Variants in ATRN observed in about 807,000 individuals in gnomAD.
ATRN encodes attractin-2.
ATRN carries 54 observed loss-of-function variants against 178.7 expected under a neutral mutation model. The observed-to-expected ratio is 0.30, with a 90% CI of 0.24 to 0.38. The LOEUF (loss-of-function observed/expected upper bound fraction) is 0.38, where lower values mean the gene tolerates loss of function less well. Among genes scored for constraint, ATRN ranks in the 10% least tolerant of loss-of-function variants. ATRN has a pLI of 1.00. For synonymous variants in ATRN, 636 were observed against 663.0 expected, an observed-to-expected ratio of 0.96 and a Z score of 0.63; for missense variants, 1,443 against 1,815.1, an observed-to-expected ratio of 0.79 and a Z score of 3.73.
At chr20:3,624,622 A>G (rs974129259) in intron 25 of ATRN, 50 bp downstream of exon 25, 2 of 1,382,724 alleles carry the variant, frequency 1.4e-6, no homozygotes, top group African/African-American at 1.4e-5. Context: ...TAGGCACTAG[A>G]TCCATTAATA....
At chr20:3,554,464 T>C (rs928482468) in intron 6 of ATRN, among the ~76,000 whole-genome samples, 2 of 151,842 alleles carry the variant, frequency 1.3e-5, no homozygotes, top group Admixed American at 6.6e-5. Flanking sequence ...GCCTCCCGAG[T>C]AGCTGGGACT....
intron 1 of ATRN, among the ~76,000 whole-genome samples, chr20:3,482,286 A>G (rs2084633095): frequency 1.3e-5 from 2 of 152,016 alleles, no homozygotes; most frequent in Non-Finnish European, 2.9e-5. Flanking sequence ...AAAAAAAGAC[A>G]TTACATTTTG....
intron 2 of ATRN, among the ~76,000 whole-genome samples, chr20:3,537,931 TA>T (rs1366146907): frequency 5.3e-5 from 8 of 150,932 alleles, no homozygotes; most frequent in Admixed American, 2.6e-4. Context: ...TTTTTATTAT[TA>T]TTTTTTTCAT....
chr20:3,629,289 C>G, intron 25 of ATRN: 1 of 985,388 alleles, frequency 1.0e-6, no homozygotes, highest in Non-Finnish European at 1.2e-6. Context: ...AATTCAGCGT[C>G]CTGGGTGAAC....
chr20:3,644,207 C>T lies in ATRN; in HGVS notation c.4104C>T (p.Val1368=). Reference sequence around the variant, plus strand: ...CGTGTTTTGGCAACAAAGCCGCTGTCCTCTCTGTGTTTGTGAGGCTCCCTC... The same window carrying T: ...CGTGTTTTGGCAACAAAGCCGCTGTTCTCTCTGTGTTTGTGAGGCTCCCTC... ...LEPCFGNKAA[V]LSVFVRLPRG... Residue 1368 remains valine (V), a synonymous_variant, in exon 28 of 29, where the codon GTC becomes GTT. Coordinates refer to ENST00000262919, the MANE Select transcript of ATRN (RefSeq NM_139321.3). 1 of 1,614,220 alleles carries T rather than the reference C, an allele frequency of 6.2e-7. No homozygotes were observed. The highest frequency in any genetic ancestry group is 8.5e-7 in the Non-Finnish European group (1 of 1,180,036).
intron 18 of ATRN, 30 bp downstream of exon 18, chr20:3,584,910 T>G: frequency 6.3e-7 from 1 of 1,583,040 alleles, no homozygotes; most frequent in South Asian, 1.1e-5. Flanking sequence ...CAAATTCAAG[T>G]GTTTCACTAC....
intron 23 of ATRN, among the ~76,000 whole-genome samples, chr20:3,602,963 CAAAA>C (rs3842439): frequency 7.3e-5 from 3 of 40,868 alleles, no homozygotes; most frequent in African/African-American, 2.2e-4. Context: ...AATTCCATCT[CAAAA>C]AAAAAAAAAA....
At chr20:3,528,037 C>T (rs2085395683) in intron 1 of ATRN, among the ~76,000 whole-genome samples, 1 of 151,928 alleles carries the variant, frequency 6.6e-6, no homozygotes, top group South Asian at 2.1e-4. Flanking sequence ...CCTACATGTT[C>T]TGCACATGTA....
intron 18 of ATRN, among the ~76,000 whole-genome samples, chr20:3,585,714 T>C (rs1032170469): frequency 3.3e-5 from 5 of 152,166 alleles, no homozygotes; most frequent in African/African-American, 7.2e-5. Flanking sequence ...AAGAATCCAA[T>C]GTCCAGAACA....
In ATRN at chr20:3,644,164, A is replaced by C; in HGVS notation, c.4061A>C (p.Lys1354Thr). The change falls in exon 28 of 29, where the codon AAA (lysine) becomes ACA (threonine). Residue 1354 changes from lysine to threonine, a missense_variant. Around this residue, in one of 4 missense-constraint regions of ATRN, gnomAD observed 289 missense variants for 440.8 expected, o/e 0.66. Transcript: ENST00000262919. ...LIGGSIKTVPKPIALEPCFGN... is the reference protein window; with the variant it reads ...LIGGSIKTVPTPIALEPCFGN... ...GTTTTCTTCTGCCAGACTGTTCCCA[A>C]ACCCATTGCACTGGAGCCGTGTTTT... 1 of 1,613,802 alleles carries C rather than the reference A, an allele frequency of 6.2e-7. No individual in the cohort carries two copies. The highest frequency in any genetic ancestry group is 8.5e-7 in the Non-Finnish European group (1 of 1,179,702).
intron 1 of ATRN, among the ~76,000 whole-genome samples, chr20:3,491,320 T>C (rs1044308357): frequency 2.6e-5 from 4 of 152,210 alleles, no homozygotes; most frequent in East Asian, 1.9e-4. Flanking sequence ...CTAGAGATCA[T>C]AGGGGCAGCA....
chr20:3,479,836 A>G (rs2084594457), intron 1 of ATRN, among the ~76,000 whole-genome samples: 1 of 152,086 alleles, frequency 6.6e-6, no homozygotes, highest in Non-Finnish European at 1.5e-5. Flanking sequence ...CCGTCCCTTC[A>G]ATCTCATGTG....
intron 1 of ATRN, among the ~76,000 whole-genome samples, 188 bp downstream of exon 1, chr20:3,471,705 G>A (rs1366957177): frequency 6.6e-6 from 1 of 152,222 alleles, no homozygotes; most frequent in Non-Finnish European, 1.5e-5. Flanking sequence ...TTCTCTGTTG[G>A]AAGGTGAAAA....
chr20:3,614,444 G>T (rs2251695), intron 24 of ATRN, among the ~76,000 whole-genome samples: 1 of 151,904 alleles, frequency 6.6e-6, no homozygotes, highest in Non-Finnish European at 1.5e-5. Context: ...CTGCGTGCTG[G>T]GTGTTTCATC....
At chr20:3,494,355 G>T (rs985901464) in intron 1 of ATRN, among the ~76,000 whole-genome samples, 3 of 152,138 alleles carry the variant, frequency 2.0e-5, no homozygotes, top group Non-Finnish European at 4.4e-5. Context: ...TTGTGCTAAG[G>T]CATGCAGAGG....
At position 3,502,772 on chromosome 20, in the gene ATRN, A is replaced by T. The variant is rs557720862; in HGVS notation, c.410+31255A>T. 4.6e-5 allele frequency among the ~76,000 whole-genome samples: 7 copies of T among 152,200 alleles called. No homozygotes were observed. The East Asian group carries it at 1.2e-3, about 25-fold the overall frequency. ...GACTCTTCTTCCCTGTGGATGTGAG[A>T]TTTTCCTCTTCAGCCCAGAGACACC... is the stretch of plus-strand genomic sequence containing the variant. On this transcript the variant is annotated intron_variant, in intron 1 of 28. Coordinates refer to ENST00000262919, the MANE Select transcript of ATRN (RefSeq NM_139321.3).
In ATRN at chr20:3,489,737, A is replaced by G. The variant is rs1360189722; in HGVS notation, c.410+18220A>G. 35 of 1,542,816 alleles carry G rather than the reference A, an allele frequency of 2.3e-5. No homozygotes were observed. The South Asian group carries it at 2.3e-4, about 10-fold the overall frequency. On this transcript the variant is annotated intron_variant, in intron 1 of 28. Transcript: ENST00000262919. ...TTGGGATGCCCAAACACCTCATGCC[A>G]TGAGCATGATGCTATTCAGCAAAGT...
intron 22 of ATRN, among the ~76,000 whole-genome samples, chr20:3,599,664 T>C (rs1057498113): frequency 6.6e-6 from 1 of 152,214 alleles, no homozygotes; most frequent in African/African-American, 2.4e-5. Flanking sequence ...GGGTGGACTT[T>C]TCATATGCAA....
chr20:3,506,218 A>G (rs1336858464), intron 1 of ATRN, among the ~76,000 whole-genome samples: 2 of 152,266 alleles, frequency 1.3e-5, no homozygotes, highest in African/African-American at 4.8e-5. Flanking sequence ...GTCAAAGTGT[A>G]CAAGGAATCT....
Sources: gnomAD v4.1 joint callset for allele counts (sites outside exome capture counted in the v4.1 genomes callset) on GRCh38, gnomAD v4.1.1 for gene constraint, gnomAD v4.1.1 regional missense constraint, MANE v1.5 for transcripts, NCBI Gene and HGNC (gene_info 2026-07-23, HGNC 2026-07-21) for gene names.